Variants in RBFOX3 observed in about 807,000 individuals in gnomAD.
RBFOX3 encodes RNA binding protein fox-1 homolog 3.
Under a neutral mutation model 48.7 loss-of-function variants are expected in RBFOX3, and 17 were observed. That is an observed-to-expected ratio of 0.35 (90% confidence interval 0.24 to 0.52). RBFOX3 has a LOEUF of 0.52. Ranked by LOEUF, RBFOX3 falls within the 20% of genes least tolerant of loss-of-function variation. The pLI is 0.94. For synonymous variants in RBFOX3, 212 were observed against 209.5 expected (o/e 1.01, Z -0.10); for missense variants, 382 against 497.5 (o/e 0.77, Z 2.21).
chr17:79,117,573 C>T (rs927785527), intron 4 of RBFOX3, among the ~76,000 whole-genome samples: 4 of 152,234 alleles, frequency 2.6e-5, no homozygotes, highest in Non-Finnish European at 5.9e-5. Context: ...CCTGTGTTCT[C>T]GGCCTCTGGG....
rs902517254 is a variant in RBFOX3, at chr17:79,204,302, C to G, written c.-34+31464G>C. Among the ~76,000 whole-genome samples the G allele has an allele frequency of 6.6e-6, 1 of 151,814 alleles. No individual in the cohort carries two copies. Among genetic ancestry groups the G allele is most frequent in the Non-Finnish European group, 1.5e-5 (1 of 67,970 alleles). On this transcript the variant is annotated intron_variant, in intron 4 of 14. Transcript: ENST00000693108. This position sits in a 1 kb window ranked among gnomAD's most constrained non-coding sequence, Gnocchi z 4.5. ...CGGGGAGCGGACACACACCAGCGGG[C>G]GCCGGGGAGCGGGTACACACCAGCG... is the stretch of plus-strand genomic sequence containing the variant.
chr17:79,617,695 A>G, the RBFOX3 span, among the ~76,000 whole-genome samples: 7 of 152,090 alleles, frequency 4.6e-5, no homozygotes, highest in South Asian at 6.2e-4. Context: ...TTTCTCCCCA[A>G]TGAGCTCATC....
chr17:79,442,684 C>T (rs377689574), intron 2 of RBFOX3, among the ~76,000 whole-genome samples: 26 of 152,192 alleles, frequency 1.7e-4, no homozygotes, highest in Middle Eastern at 3.4e-3. Flanking sequence ...AGAGAGGACC[C>T]TGCACTGCTT....
chr17:79,387,491 C>G (rs56218810), intron 2 of RBFOX3, among the ~76,000 whole-genome samples: 1 of 152,072 alleles, frequency 6.6e-6, no homozygotes, highest in East Asian at 1.9e-4. Context: ...TAAATACTGC[C>G]AGGGCCCACA....
In RBFOX3 at chr17:79,428,721, C is replaced by T. The variant is rs1296050560; in HGVS notation, c.-175+53733G>A. ...TGTGACGCTCACGTCCCCAGCAGGACGTGGCCTGTGACCTCCCCAGCTCAG... is the reference window on the plus strand; with the variant it reads ...TGTGACGCTCACGTCCCCAGCAGGATGTGGCCTGTGACCTCCCCAGCTCAG... On this transcript the variant is annotated intron_variant, in intron 2 of 14. Transcript: ENST00000693108. Among the ~76,000 whole-genome samples, 6 of 152,350 alleles carry T rather than the reference C, an allele frequency of 3.9e-5. No homozygotes were observed. The South Asian group carries it at 8.3e-4, about 21-fold the overall frequency.
chr17:79,625,144 CCCT>C, the RBFOX3 span, among the ~76,000 whole-genome samples: 2 of 152,032 alleles, frequency 1.3e-5, no homozygotes, highest in Non-Finnish European at 2.9e-5. Flanking sequence ...CCCTGATGTG[CCCT>C]CCTCCTCCTC....
rs538404970 is a variant in RBFOX3, at chr17:79,237,850, T to C, written c.-73-2045A>G. Reference sequence around the variant, plus strand: ...ATGACGCTGAGAAGGGCAGGTGTGATTGGAAGGCACTGCCAGTGAGAGTCA... The same window carrying C: ...ATGACGCTGAGAAGGGCAGGTGTGACTGGAAGGCACTGCCAGTGAGAGTCA... On this transcript the variant is annotated intron_variant, in intron 3 of 14. Coordinates refer to ENST00000693108, the MANE Select transcript of RBFOX3 (RefSeq NM_001350451.2). 1.2e-4 allele frequency among the ~76,000 whole-genome samples: 19 copies of C among 152,330 alleles called. No individual in the cohort carries two copies. In the East Asian group the frequency reaches 3.3e-3, roughly 26 times the overall value.
intron 2 of RBFOX3, among the ~76,000 whole-genome samples, chr17:79,445,908 G>A (rs2072174941): frequency 6.6e-6 from 1 of 152,222 alleles, no homozygotes; most frequent in South Asian, 2.1e-4. Context: ...CCAGGGGTGG[G>A]TTTGCCCCTG....
chr17:79,250,190 C>T (rs78475255), intron 3 of RBFOX3, among the ~76,000 whole-genome samples: 145 of 152,296 alleles, frequency 9.5e-4, no homozygotes, highest in African/African-American at 3.3e-3. Context: ...TGGATACGGC[C>T]TCAGAAGTGA....
chr17:79,218,450 T>C (rs1009152044), intron 4 of RBFOX3, among the ~76,000 whole-genome samples: 11 of 152,058 alleles, frequency 7.2e-5, no homozygotes, highest in African/African-American at 2.7e-4. Context: ...CAAAATAGCC[T>C]GGAAGGTCCA....
intron 1 of RBFOX3, among the ~76,000 whole-genome samples, chr17:79,564,878 A>G (rs1219168203): frequency 6.6e-6 from 1 of 151,924 alleles, no homozygotes; most frequent in Non-Finnish European, 1.5e-5. Flanking sequence ...CATCTTTACT[A>G]AAAAATACAA....
At chr17:79,308,173 C>T (rs1304000711) in intron 2 of RBFOX3, among the ~76,000 whole-genome samples, 2 of 152,104 alleles carry the variant, frequency 1.3e-5, no homozygotes, top group Admixed American at 6.5e-5. Flanking sequence ...ATGGCCGAGT[C>T]GCCTGTCCCC....
At chr17:79,296,304 AC>A (rs35775281) in intron 3 of RBFOX3, among the ~76,000 whole-genome samples, 1,754 of 120,148 alleles carry the variant, frequency 0.015, 33 homozygotes, top group African/African-American at 0.049. Context: ...ACACACACAC[AC>A]CACACACACA....
At position 79,353,535 on chromosome 17, in the gene RBFOX3, T is replaced by C. The variant is rs182693810; in HGVS notation, c.-174-45711A>G. Among the ~76,000 whole-genome samples, 34 of 152,288 alleles carry C rather than the reference T, an allele frequency of 2.2e-4. No individual in the cohort carries two copies. The East Asian group carries it at 6.6e-3, about 29-fold the overall frequency. On this transcript the variant is annotated intron_variant, in intron 2 of 14. Coordinates refer to ENST00000693108, the MANE Select transcript of RBFOX3 (RefSeq NM_001350451.2). ...ATATAGCAGCTAAGATGCCACTATA[T>C]AAGAAGCAATACTGCCCGGAGAAAT...
chr17:79,198,699 C>T lies in RBFOX3; in HGVS notation c.-34+37067G>A, dbSNP rs867428984. Among the ~76,000 whole-genome samples, 12 of 151,762 alleles carry T rather than the reference C, an allele frequency of 7.9e-5. No individual in the cohort carries two copies. The highest frequency in any genetic ancestry group is 2.1e-4 in the South Asian group (1 of 4,820). On this transcript the variant is annotated intron_variant, in intron 4 of 14. Coordinates refer to ENST00000693108, the MANE Select transcript of RBFOX3 (RefSeq NM_001350451.2). The surrounding 1 kb of genome is among the most constrained non-coding windows in gnomAD (Gnocchi z 8.2). ...GGAGTGCAGTGGCATGATCTAGGCT[C>T]GTTGCAACCTCCACCTTCCGGGTTC... is the stretch of plus-strand genomic sequence containing the variant.
rs150177277 is a variant in RBFOX3, at chr17:79,180,525, C to T, written c.-34+55241G>A. On this transcript the variant is annotated intron_variant, in intron 4 of 14. Transcript: ENST00000693108. ...GCCCCCACCTGGGAGGCTGGAGCAC[C>T]ACAGGCTCTCATTTCTAGAGGCCTG... 4.4e-3 allele frequency among the ~76,000 whole-genome samples: 666 copies of T among 152,322 alleles called. 4 individuals are homozygous for T. The highest frequency in any genetic ancestry group is 0.015 in the African/African-American group (634 of 41,576).
At chr17:79,287,212 G>A (rs1187405099) in intron 3 of RBFOX3, among the ~76,000 whole-genome samples, 3 of 152,150 alleles carry the variant, frequency 2.0e-5, no homozygotes, top group African/African-American at 7.2e-5. Flanking sequence ...CCCTCTGCTC[G>A]CTAAGGCGAA....
At chr17:79,658,411 C>T in the RBFOX3 span, among the ~76,000 whole-genome samples, 2 of 137,200 alleles carry the variant, frequency 1.5e-5, no homozygotes, top group African/African-American at 5.5e-5. Context: ...CCCTCTCTCC[C>T]GCCATCTCTC....
At chr17:79,327,445 G>T (rs1289193388) in intron 2 of RBFOX3, among the ~76,000 whole-genome samples, 3 of 152,318 alleles carry the variant, frequency 2.0e-5, no homozygotes, top group Middle Eastern at 3.4e-3. Context: ...TGGGTCGGTG[G>T]CCTGAGCGAT....
Sources: allele counts gnomAD v4.1 joint callset (sites outside exome capture counted in the v4.1 genomes callset), GRCh38; gene constraint gnomAD v4.1.1; non-coding constraint Gnocchi (gnomAD v3.1); transcripts MANE v1.5; gene names NCBI Gene and HGNC (gene_info 2026-07-23, HGNC 2026-07-21).